The following WNK1 variants were observed in gnomAD, a reference collection of about 807,000 sequenced individuals.
The protein encoded by WNK1 is serine/threonine-protein kinase WNK1.
In WNK1, 38 loss-of-function variants were observed where a neutral mutation model predicts 222.8. The observed-to-expected ratio is 0.17, with a 90% CI of 0.13 to 0.22. WNK1 has a LOEUF of 0.22. Ranked by LOEUF, WNK1 falls within the 10% of genes least tolerant of loss-of-function variation. The pLI is 1.00. For synonymous variants in WNK1, 1,090 were observed against 1,092.9 expected (o/e 1.00, Z 0.05); for missense variants, 2,348 against 2,918.4 (o/e 0.80, Z 4.50).
At chr12:810,660 G>A (rs1187000287) in intron 1 of WNK1, among the ~76,000 whole-genome samples, 2 of 152,308 alleles carry the variant, frequency 1.3e-5, no homozygotes, top group East Asian at 3.9e-4. Flanking sequence ...ACTAAAATAT[G>A]AGGGTAAAGA....
chr12:807,985 C>G (rs990858572), intron 1 of WNK1, among the ~76,000 whole-genome samples: 5 of 152,042 alleles, frequency 3.3e-5, no homozygotes, highest in African/African-American at 1.2e-4. Context: ...TCCCAAAGTG[C>G]TGGGATTCCA....
intron 1 of WNK1, among the ~76,000 whole-genome samples, chr12:780,462 A>G (rs1280050755): frequency 6.6e-6 from 1 of 152,216 alleles, no homozygotes; most frequent in Non-Finnish European, 1.5e-5. Flanking sequence ...AGTGTGTTGC[A>G]TTCCTAAGTG....
At chr12:856,243 T>G (rs563692878) in intron 4 of WNK1, among the ~76,000 whole-genome samples, 168 of 151,822 alleles carry the variant, frequency 1.1e-3, no homozygotes, top group Non-Finnish European at 1.9e-3. Flanking sequence ...AGGTCAGGTG[T>G]TCGAGACCAG....
chr12:770,226 G>C (rs1248445350), intron 1 of WNK1, among the ~76,000 whole-genome samples: 1 of 151,920 alleles, frequency 6.6e-6, no homozygotes, highest in Admixed American at 6.6e-5. Context: ...CACCTGCCTC[G>C]GCCTCCCAAA....
Position 895,954 on chromosome 12 carries a change from A to G in WNK1, c.5584-117A>G, listed in dbSNP as rs1055457420. 9 of 1,377,322 alleles carry G rather than the reference A, an allele frequency of 6.5e-6. No homozygotes were observed. The African/African-American group carries it at 7.2e-5, about 11-fold the overall frequency. 85.3% of individuals were successfully genotyped at this position (1,377,322 alleles called of 1,614,324 possible). On this transcript the variant is annotated intron_variant, in intron 23 of 27. Coordinates refer to ENST00000315939, the MANE Select transcript of WNK1 (RefSeq NM_018979.4). ...AGTGGAGGCGCTATGTAAAGAGACA[A>G]TCAGCCTACTCTTTGACAGGGAAAT...
chr12:844,512 TCCATTGGAACTGTGCTA>T lies in WNK1; in HGVS notation c.1312-12648_1312-12632del, dbSNP rs1271643170. 1.4e-4 allele frequency among the ~76,000 whole-genome samples: 21 copies of T among 152,254 alleles called. No individual in the cohort carries two copies. The East Asian group carries it at 4.0e-3, about 29-fold the overall frequency. ...TGGAATAAAAAACTTGAAGAGTAAG[TCCATTGGAACTGTGCTA>T]GAATCCTTAGTTTCTAAGGATGCCG... On this transcript the variant is annotated intron_variant, in intron 4 of 27. Transcript: ENST00000315939.
rs1307675360 is a variant in WNK1, at chr12:837,285, C to T, written c.1311+7125C>T. 3.9e-5 allele frequency among the ~76,000 whole-genome samples: 6 copies of T among 152,122 alleles called. No homozygotes were observed. The South Asian group carries it at 1.2e-3, about 31-fold the overall frequency. ...CAATGTATGAGTGGTTGAAATACAGCCGTGAGGGCTGGGCGCAGTGGCTCA... is the reference window on the plus strand; with the variant it reads ...CAATGTATGAGTGGTTGAAATACAGTCGTGAGGGCTGGGCGCAGTGGCTCA... On this transcript the variant is annotated intron_variant, in intron 4 of 27. Coordinates refer to ENST00000315939, the MANE Select transcript of WNK1 (RefSeq NM_018979.4).
chr12:791,690 T>A (rs954930500), intron 1 of WNK1, among the ~76,000 whole-genome samples: 2 of 152,246 alleles, frequency 1.3e-5, no homozygotes, highest in African/African-American at 4.8e-5. Context: ...AGAGGGCAGA[T>A]AAAATTGTCA....
At chr12:850,486 T>C (rs1471380201) in intron 4 of WNK1, among the ~76,000 whole-genome samples, 1 of 152,124 alleles carries the variant, frequency 6.6e-6, no homozygotes, top group African/African-American at 2.4e-5. Context: ...GTCAGATGAG[T>C]AGATTGCAAA....
intron 25 of WNK1, among the ~76,000 whole-genome samples, chr12:899,930 T>A (rs1051054109): frequency 6.6e-6 from 1 of 151,892 alleles, no homozygotes; most frequent in Non-Finnish European, 1.5e-5. Flanking sequence ...CTTCTTACGC[T>A]GCTCAGACAT....
intron 9 of WNK1, 166 bp from the exon 10 acceptor site, chr12:878,046 G>T: frequency 1.2e-6 from 1 of 857,458 alleles, no homozygotes; most frequent in Non-Finnish European, 1.8e-6. Context: ...AACATCAGAG[G>T]GAAAACAAAT....
chr12:867,785 A>G, intron 8 of WNK1: 1 of 1,500,600 alleles, frequency 6.7e-7, no homozygotes, highest in Non-Finnish European at 9.2e-7. Flanking sequence ...ATAGGGTTAC[A>G]CAGAACTACC....
Position 896,525 on chromosome 12 carries a change from A to G in WNK1, c.6038A>G (p.Asp2013Gly). Reference sequence around the variant, plus strand: ...TCACATCTAAATGGGCCGTCTTCTGACCCGGAGGCCGCTTTTTTAAGTAGG... The same window carrying G: ...TCACATCTAAATGGGCCGTCTTCTGGCCCGGAGGCCGCTTTTTTAAGTAGG... Reference protein sequence around the residue: ...EPSHLNGPSSDPEAAFLSRDV... With the variant: ...EPSHLNGPSSGPEAAFLSRDV... The change falls in exon 24 of 28, where the codon GAC becomes GGC. Residue 2013 changes from aspartate (D) to glycine (G), a missense_variant. This residue lies in a region of WNK1 where 1,144 missense variants were observed against 1,273.6 expected (regional missense o/e 0.90). Transcript: ENST00000315939. The G allele has an allele frequency of 6.2e-7, 1 of 1,613,384 alleles. No individual in the cohort carries two copies. The highest frequency in any genetic ancestry group is 2.2e-5 in the East Asian group (1 of 44,866).
rs1231306737 is a variant in WNK1 at position 911,278 on chromosome 12, A to AAAAAT, written c.*2491_*2495dup. 2.5e-6 allele frequency: 1 copy of AAAAAT among 398,584 alleles called. No individual in the cohort carries two copies. Among genetic ancestry groups the AAAAAT allele is most frequent in the Non-Finnish European group, 4.4e-6 (1 of 226,038 alleles). The allele number at this position is 398,584 out of a possible 1,614,324, so 24.7% of individuals were successfully genotyped here. On this transcript the variant is annotated 3_prime_UTR_variant, in exon 28 of 28. Transcript: ENST00000315939. ...ACATTATTTAACAATGTACACTGTT[A>AAAAAT]AAAATAAAAATAAAAATTCAAACTT...
intron 9 of WNK1, among the ~76,000 whole-genome samples, chr12:875,321 G>A (rs75890486): frequency 0.066 from 10,076 of 152,126 alleles, 391 homozygotes; most frequent in African/African-American, 0.081. Context: ...GACCTTTATC[G>A]TACTCTCATA....
chr12:813,282 G>T (rs887015286), intron 1 of WNK1, among the ~76,000 whole-genome samples: 2 of 152,172 alleles, frequency 1.3e-5, no homozygotes, highest in Non-Finnish European at 2.9e-5. Context: ...AAGATAGATT[G>T]ATTTTAATCA....
At position 880,788 on chromosome 12, in the gene WNK1, C is replaced by CA; in HGVS notation, c.2900_2901insA (p.Ser968PhefsTer114). 2 of 1,614,110 alleles carry CA rather than the reference C, an allele frequency of 1.2e-6. No individual in the cohort carries two copies. Among genetic ancestry groups the CA allele is most frequent in the Non-Finnish European group, 1.7e-6 (2 of 1,180,024 alleles). ...AATATTGCTCCCTCTTCCAACGTGG[C>CA]TTCTGTTTGCATCCATTCTACAGTC... is the stretch of plus-strand genomic sequence containing the variant. On this transcript the variant is annotated frameshift_variant, in exon 12 of 28. Transcript: ENST00000315939. LOFTEE classifies it high-confidence loss of function.
chr12:905,729 T>C (rs573412926), intron 26 of WNK1, among the ~76,000 whole-genome samples: 14 of 152,214 alleles, frequency 9.2e-5, no homozygotes, highest in Non-Finnish European at 1.6e-4. Context: ...CACCACTCTC[T>C]CACATTGGCT....
At chr12:876,137 C>T (rs971846978) in intron 9 of WNK1, among the ~76,000 whole-genome samples, 4 of 152,126 alleles carry the variant, frequency 2.6e-5, no homozygotes, top group Admixed American at 6.5e-5. Context: ...GGCCGGGGCG[C>T]GGTGGCTCAC....
Sources: gnomAD v4.1 joint callset for allele counts (sites outside exome capture counted in the v4.1 genomes callset) on GRCh38, gnomAD v4.1.1 for gene constraint, gnomAD v4.1.1 regional missense constraint, MANE v1.5 for transcripts, NCBI Gene and HGNC (gene_info 2026-07-23, HGNC 2026-07-21) for gene names.